Variants in ENOX1 observed in about 807,000 individuals in gnomAD.
ENOX1 encodes the protein ecto-NOX disulfide-thiol exchanger 1, also known as candidate growth-related and time keeping constitutive hydroquinone (NADH) oxidase.
ENOX1 carries 42 observed loss-of-function variants against 82.5 expected under a neutral mutation model. The observed-to-expected ratio is 0.51, with a 90% CI of 0.40 to 0.66. The LOEUF is 0.66. ENOX1 is among the 30% of genes least tolerant of loss of function. The pLI, the probability that ENOX1 is intolerant of heterozygous loss-of-function variation, is 0.00. For synonymous variants in ENOX1, 271 were observed against 282.2 expected, an observed-to-expected ratio of 0.96 and a Z score of 0.40; for missense variants, 608 against 811.6, an observed-to-expected ratio of 0.75 and a Z score of 3.05.
chr13:43,324,525 A>G (rs973106714), intron 10 of ENOX1, among the ~76,000 whole-genome samples: 1 of 152,204 alleles, frequency 6.6e-6, no homozygotes, highest in Non-Finnish European at 1.5e-5. Flanking sequence ...CAACTGAGAA[A>G]TCATCCACAA....
intron 2 of ENOX1, among the ~76,000 whole-genome samples, chr13:43,618,752 G>GT (rs767153035): frequency 1.1e-3 from 168 of 152,076 alleles, no homozygotes; most frequent in Admixed American, 2.5e-3. Flanking sequence ...TTCTAGAATT[G>GT]TTTTTTCTAA....
chr13:43,707,312 C>T (rs749068502), intron 1 of ENOX1, among the ~76,000 whole-genome samples: 1 of 152,062 alleles, frequency 6.6e-6, no homozygotes, highest in Non-Finnish European at 1.5e-5. Flanking sequence ...AACATTAAAC[C>T]GTGACCTGCC....
chr13:43,541,200 C>CTTTTTTTTTTTTTTTTTTTTTTTTT, intron 2 of ENOX1, among the ~76,000 whole-genome samples: 1 of 14,442 alleles, frequency 6.9e-5, no homozygotes, highest in Admixed American at 5.6e-4. Context: ...TTTTTTTTTG[C>CTTTTTTTTTTTTTTTTTTTTTTTTT]TAAAAATGAT....
chr13:43,378,214 C>T (rs1398882702), intron 5 of ENOX1, among the ~76,000 whole-genome samples: 1 of 152,200 alleles, frequency 6.6e-6, no homozygotes, highest in Admixed American at 6.5e-5. Flanking sequence ...ATTGCCCCAG[C>T]TTATTGCCAG....
intron 11 of ENOX1, among the ~76,000 whole-genome samples, chr13:43,310,341 G>C (rs1196343912): frequency 6.6e-6 from 1 of 151,838 alleles, no homozygotes; most frequent in Non-Finnish European, 1.5e-5. Flanking sequence ...AAGTTTATGA[G>C]GTGACCTTGA....
chr13:43,304,107 C>T (rs2046733146), intron 11 of ENOX1, among the ~76,000 whole-genome samples: 1 of 152,170 alleles, frequency 6.6e-6, no homozygotes, highest in South Asian at 2.1e-4. Flanking sequence ...GTGCCCAGGT[C>T]CCATGAGCTC....
In ENOX1 at chr13:43,436,551, G is replaced by A. The variant is rs919478278; in HGVS notation, c.-74-23563C>T. Among the ~76,000 whole-genome samples, 3 of 152,206 alleles carry A rather than the reference G, an allele frequency of 2.0e-5. No individual in the cohort carries two copies. In the East Asian group the frequency reaches 5.8e-4, roughly 29 times the overall value. On this transcript the variant is annotated intron_variant, in intron 3 of 16. Transcript: ENST00000690772. ...CTTTAATTGAACCAGGATAGGAATGGCAGGAGTCTGTTCACAACCTTTCAT... is the reference window on the plus strand; with the variant it reads ...CTTTAATTGAACCAGGATAGGAATGACAGGAGTCTGTTCACAACCTTTCAT...
chr13:43,608,406 G>A (rs1477378616), intron 2 of ENOX1, among the ~76,000 whole-genome samples: 1 of 152,080 alleles, frequency 6.6e-6, no homozygotes, highest in Non-Finnish European at 1.5e-5. Context: ...TCAAGGAATC[G>A]CCAATCCAAT....
At chr13:43,483,633 C>A (rs757433682) in intron 3 of ENOX1, among the ~76,000 whole-genome samples, 1 of 152,090 alleles carries the variant, frequency 6.6e-6, no homozygotes, top group Non-Finnish European at 1.5e-5. Flanking sequence ...TTCAACGTTT[C>A]AAAATATAAT....
At chr13:43,478,305 T>G (rs2058373955) in intron 3 of ENOX1, among the ~76,000 whole-genome samples, 1 of 152,130 alleles carries the variant, frequency 6.6e-6, no homozygotes, top group Non-Finnish European at 1.5e-5. Flanking sequence ...TACATCCTTG[T>G]ATTTTTTATT....
At chr13:43,650,755 T>C (rs2084126712) in intron 2 of ENOX1, among the ~76,000 whole-genome samples, 1 of 152,178 alleles carries the variant, frequency 6.6e-6, no homozygotes, top group South Asian at 2.1e-4. Flanking sequence ...GGAGAATTGC[T>C]TGAACGTGGG....
At chr13:43,563,235 A>G (rs1026253105) in intron 2 of ENOX1, among the ~76,000 whole-genome samples, 4 of 152,184 alleles carry the variant, frequency 2.6e-5, no homozygotes, top group African/African-American at 9.6e-5. Context: ...CAACAAGAGG[A>G]ATTTTGGAAA....
chr13:43,569,676 A>AAAC lies in ENOX1; in HGVS notation c.-218-85525_-218-85524insGTT, dbSNP rs59167799. ...AGCTCCTTAGTGGTTTAAAAAAAAA[A>AAAC]CTGTATTTCTCCATCTGGTCCCTGC... On this transcript the variant is annotated intron_variant, in intron 2 of 16. Transcript: ENST00000690772. 4.9e-3 allele frequency among the ~76,000 whole-genome samples: 733 copies of AAAC among 150,174 alleles called. 22 individuals are homozygous for AAAC. The highest frequency in any genetic ancestry group is 0.045 in the Admixed American group (675 of 15,054).
intron 2 of ENOX1, among the ~76,000 whole-genome samples, chr13:43,566,703 A>G (rs2079936174): frequency 1.3e-5 from 2 of 152,020 alleles, no homozygotes; most frequent in South Asian, 4.1e-4. Context: ...GTTATCTAGT[A>G]TCATTTGAGA....
At chr13:43,312,985 G>A (rs1436348967) in intron 11 of ENOX1, among the ~76,000 whole-genome samples, 2 of 152,284 alleles carry the variant, frequency 1.3e-5, no homozygotes, top group Admixed American at 6.5e-5. Context: ...TACACTGCAG[G>A]CACTCAAAAT....
At chr13:43,358,598 T>C (rs1394850282) in intron 7 of ENOX1, among the ~76,000 whole-genome samples, 1 of 152,230 alleles carries the variant, frequency 6.6e-6, no homozygotes, top group African/African-American at 2.4e-5. Flanking sequence ...AGGATATTTG[T>C]GTTAAAAACA....
At chr13:43,341,833 G>T (rs773964167) in intron 9 of ENOX1, among the ~76,000 whole-genome samples, 1 of 152,116 alleles carries the variant, frequency 6.6e-6, no homozygotes, top group South Asian at 2.1e-4. Flanking sequence ...TATATTTCTC[G>T]CATTCTTTGT....
At chr13:43,387,720 A>G (rs949146949) in intron 5 of ENOX1, among the ~76,000 whole-genome samples, 2 of 152,132 alleles carry the variant, frequency 1.3e-5, no homozygotes, top group Non-Finnish European at 2.9e-5. Flanking sequence ...AAACATATAT[A>G]CACATATATG....
chr13:43,334,410 C>T (rs747770539), intron 9 of ENOX1, among the ~76,000 whole-genome samples: 3 of 152,164 alleles, frequency 2.0e-5, no homozygotes, highest in Non-Finnish European at 4.4e-5. Context: ...ATGTGCTAGA[C>T]TTTGTACTAC....
Sources: allele counts gnomAD v4.1 joint callset (sites outside exome capture counted in the v4.1 genomes callset), GRCh38; gene constraint gnomAD v4.1.1; transcripts MANE v1.5; gene names NCBI Gene and HGNC (gene_info 2026-07-23, HGNC 2026-07-21).